Variants in PKM observed in about 807,000 individuals in gnomAD.
PKM encodes pyruvate kinase M1/2, also known as pyruvate kinase PKM.
PKM carries 18 observed loss-of-function variants against 49.8 expected under a neutral mutation model. The ratio of observed to expected loss-of-function variants is 0.36; its 90% CI spans 0.25 to 0.54. The LOEUF (loss-of-function observed/expected upper bound fraction) is 0.54, where lower values mean the gene tolerates loss of function less well. Among genes scored for constraint, PKM ranks in the 20% least tolerant of loss-of-function variants. PKM has a pLI of 0.89. For synonymous variants in PKM, 239 were observed against 261.8 expected (o/e 0.91, Z 0.84); for missense variants, 508 against 713.8 (o/e 0.71, Z 3.28).
At chr15:72,221,462 C>T (rs185510455) in intron 1 of PKM, among the ~76,000 whole-genome samples, 1 of 152,066 alleles carries the variant, frequency 6.6e-6, no homozygotes, top group African/African-American at 2.4e-5. Flanking sequence ...GGTCCCTCCC[C>T]TTTTGGGAGC....
intron 1 of PKM, among the ~76,000 whole-genome samples, chr15:72,230,326 A>ACCCAG (rs1246268013): frequency 1.3e-5 from 2 of 151,942 alleles, no homozygotes; most frequent in African/African-American, 4.8e-5. Flanking sequence ...CGCGCGGGGC[A>ACCCAG]CCCAGCCCAG....
In PKM at chr15:72,209,714, T is replaced by C. The variant is rs1217900498; in HGVS notation, c.524A>G (p.Tyr175Cys). The change falls in exon 5 of 11, where the codon TAC (tyrosine) becomes TGC (cysteine). Residue 175 changes from tyrosine (Y) to cysteine (C), a missense_variant. Physicochemically the swap from Tyr to Cys is radical, Grantham distance 194. Transcript: ENST00000335181. ...CKVVEVGSKIYVDDGLISLQV... is the reference protein window; with the variant it reads ...CKVVEVGSKICVDDGLISLQV... ...GAGAGAAATAAGCCCATCATCCACG[T>C]AGATCTTGCTGCCCACTTCCACCAC... The C allele has an allele frequency of 6.2e-7, 1 of 1,613,996 alleles. No homozygotes were observed. The highest frequency in any genetic ancestry group is 8.5e-7 in the Non-Finnish European group (1 of 1,179,988).
chr15:72,199,839 C>T lies in PKM; in HGVS notation c.1490-83G>A, dbSNP rs541616543. Reference sequence around the variant, plus strand: ...GGGCAGCTGCCCCATAGCCTGAGTACTGAACTAGGCTGGCTGACCACTACT... The same window carrying T: ...GGGCAGCTGCCCCATAGCCTGAGTATTGAACTAGGCTGGCTGACCACTACT... On this transcript the variant is annotated intron_variant, in intron 10 of 10. Coordinates refer to ENST00000335181, the MANE Select transcript of PKM (RefSeq NM_002654.6). 11 of 836,126 alleles carry T rather than the reference C, an allele frequency of 1.3e-5. 1 individual carries two copies. Among genetic ancestry groups the T allele is most frequent in the African/African-American group, 1.2e-4 (7 of 59,678 alleles). 51.8% of individuals were successfully genotyped at this position (836,126 alleles called of 1,614,324 possible).
chr15:72,212,199 G>A (rs950169069), intron 3 of PKM, among the ~76,000 whole-genome samples: 2 of 152,208 alleles, frequency 1.3e-5, no homozygotes, highest in African/African-American at 4.8e-5. Flanking sequence ...AATAGAGGCT[G>A]GGCGCGGTGG....
chr15:72,206,927 A>G, intron 7 of PKM, 47 bp from the exon 8 acceptor site: 1 of 1,605,438 alleles, frequency 6.2e-7, no homozygotes, highest in Non-Finnish European at 8.5e-7. Context: ...AGCTGTCTTC[A>G]GAGACAAATG....
intron 1 of PKM, among the ~76,000 whole-genome samples, chr15:72,225,948 C>G (rs528618968): frequency 6.6e-6 from 1 of 152,198 alleles, no homozygotes; most frequent in African/African-American, 2.4e-5. Flanking sequence ...TATCAATGAA[C>G]GCTGAGTTGC....
At chr15:72,209,459 GTA>G (rs1202660150) in intron 5 of PKM, 1 of 141,138 alleles carries the variant, frequency 7.1e-6, no homozygotes, top group Non-Finnish European at 1.3e-5. Flanking sequence ...ATATATATAT[GTA>G]TGTATGTTCC....
At chr15:72,215,298 G>A (rs1191072490) in intron 3 of PKM, among the ~76,000 whole-genome samples, 2 of 152,164 alleles carry the variant, frequency 1.3e-5, no homozygotes, top group Non-Finnish European at 2.9e-5. Context: ...GCTCAGAAGA[G>A]CATTTAAAAT....
intron 6 of PKM, 154 bp downstream of exon 6, chr15:72,208,467 C>G: frequency 2.5e-6 from 2 of 794,944 alleles, no homozygotes; most frequent in Non-Finnish European, 4.2e-6. Flanking sequence ...ATAATGCCTT[C>G]TACTCTCCTA....
intron 4 of PKM, chr15:72,210,131 T>TA (rs144902278): frequency 2.5e-3 from 1,348 of 549,794 alleles, no homozygotes; most frequent in African/African-American, 4.5e-3. Flanking sequence ...GTTTTTAGGG[T>TA]AAAAAAAAAA....
chr15:72,229,753 T>G (rs1252299368), intron 1 of PKM: 1 of 1,124,824 alleles, frequency 8.9e-7, no homozygotes, highest in African/African-American at 1.6e-5. Context: ...GTCATCCTGG[T>G]CTCTAACTCT....
At chr15:72,222,441 A>G (rs2082551040) in intron 1 of PKM, 1 of 152,176 alleles carries the variant, frequency 6.6e-6, no homozygotes, top group East Asian at 1.9e-4. Context: ...CATCCCACCA[A>G]CCACGTACCT....
rs903911273 is a variant in PKM at position 72,202,831 on chromosome 15, T to G, written c.1141-211A>C. 3.2e-5 allele frequency: 23 copies of G among 710,020 alleles called. No individual in the cohort carries two copies. The highest frequency in any genetic ancestry group is 4.9e-5 in the South Asian group (3 of 61,548). 44.0% of individuals were successfully genotyped at this position (710,020 alleles called of 1,614,324 possible). ...AAACCAGTCCTTCACCAAGTGCCTG[T>G]GACATCTACTGTGCCTACTGAGCCA... On this transcript the variant is annotated intron_variant, in intron 8 of 10. Transcript: ENST00000335181. The surrounding 1 kb of genome is among the most constrained non-coding windows in gnomAD (Gnocchi z 4.5).
chr15:72,199,100 G>C lies in PKM; in HGVS notation c.*550C>G, dbSNP rs139819709. On this transcript the variant is annotated 3_prime_UTR_variant, in exon 11 of 11. Coordinates refer to ENST00000335181, the MANE Select transcript of PKM (RefSeq NM_002654.6). ...ACAGGCCTGGAGGTGCTGCAGTAGTGGGGGAAAATGGAAGGTGGAGGGTGG... is the reference window on the plus strand; with the variant it reads ...ACAGGCCTGGAGGTGCTGCAGTAGTCGGGGAAAATGGAAGGTGGAGGGTGG... 24 of 287,616 alleles carry C rather than the reference G, an allele frequency of 8.3e-5. No individual in the cohort carries two copies. The highest frequency in any genetic ancestry group is 5.1e-4 in the African/African-American group (23 of 45,228). 17.8% of individuals were successfully genotyped at this position (287,616 alleles called of 1,614,324 possible).
chr15:72,219,389 C>T (rs373526552), intron 1 of PKM: 1 of 328,964 alleles, frequency 3.0e-6, no homozygotes, highest in Non-Finnish European at 5.7e-6. Flanking sequence ...GTCTCTCTTA[C>T]ACTGGGCTGA....
intron 3 of PKM, among the ~76,000 whole-genome samples, chr15:72,216,740 T>C (rs8033167): frequency 0.023 from 3,491 of 152,316 alleles, 131 homozygotes; most frequent in African/African-American, 0.081. Context: ...AGCTGCTACC[T>C]GGCTCCTGGG....
intron 5 of PKM, chr15:72,209,396 A>AATACATATATATATAT (rs1268011418): frequency 5.1e-5 from 4 of 78,986 alleles, no homozygotes; most frequent in African/African-American, 2.4e-4. Flanking sequence ...CAGCGAAACA[A>AATACATATATATATAT]ATATATATAT....
At chr15:72,226,669 G>A (rs952548082) in intron 1 of PKM, among the ~76,000 whole-genome samples, 2 of 152,272 alleles carry the variant, frequency 1.3e-5, no homozygotes, top group African/African-American at 4.8e-5. Flanking sequence ...CTGGTCCACA[G>A]TGTGAAATGC....
Position 72,218,972 on chromosome 15 carries a change from G to A in PKM, c.126C>T (p.Ala42=), listed in dbSNP as rs1021129638. ...RLDIDSPPIT[A]RNTGIICTIG... ...TGGTACAGATGATGCCAGTGTTCCGGGCTGTGATGGGTGGTGAATCAATGT... is the reference window on the plus strand; with the variant it reads ...TGGTACAGATGATGCCAGTGTTCCGAGCTGTGATGGGTGGTGAATCAATGT... The change falls in exon 2 of 11, where the codon GCC becomes GCT. Residue 42 remains alanine (A), a synonymous_variant. Coordinates refer to ENST00000335181, the MANE Select transcript of PKM (RefSeq NM_002654.6). 6.2e-7 allele frequency: 1 copy of A among 1,614,142 alleles called. No individual in the cohort carries two copies. The highest frequency in any genetic ancestry group is 8.5e-7 in the Non-Finnish European group (1 of 1,180,028).
Sources: gnomAD v4.1 joint callset for allele counts (sites outside exome capture counted in the v4.1 genomes callset) on GRCh38, gnomAD v4.1.1 for gene constraint, Gnocchi (gnomAD v3.1) non-coding constraint, MANE v1.5 for transcripts, NCBI Gene and HGNC (gene_info 2026-07-23, HGNC 2026-07-21) for gene names.